AVL9: variants seen among roughly 807,000 people sequenced by gnomAD.
AVL9 encodes late secretory pathway protein AVL9 homolog.
A neutral mutation model predicts 79.2 loss-of-function variants in AVL9; 49 were observed. The observed-to-expected ratio is 0.62, with a 90% CI of 0.49 to 0.79. AVL9 has a LOEUF of 0.79. Ranked by LOEUF, AVL9 falls within the 30% of genes least tolerant of loss-of-function variation. AVL9 has a pLI of 0.00. For synonymous variants in AVL9, 299 were observed against 280.6 expected, an observed-to-expected ratio of 1.07 and a Z score of -0.65; for missense variants, 682 against 776.8, an observed-to-expected ratio of 0.88 and a Z score of 1.45.
At chr7:32,505,094 G>A (rs570717493) in intron 1 of AVL9, among the ~76,000 whole-genome samples, 4 of 148,610 alleles carry the variant, frequency 2.7e-5, no homozygotes, top group East Asian at 2.0e-4. Context: ...GGCTGGTCTC[G>A]AACTCCTGAC....
chr7:32,495,665 GCCCTT>G lies in AVL9; in HGVS notation c.-44_-40del. The G allele has an allele frequency of 8.2e-7, 1 of 1,222,290 alleles. No homozygotes were observed. The highest frequency in any genetic ancestry group is 1.0e-6 in the Non-Finnish European group (1 of 961,986). The allele number at this position is 1,222,290 out of a possible 1,614,324, so 75.7% of individuals were successfully genotyped here. On this transcript the variant is annotated 5_prime_UTR_variant, in exon 1 of 16. Coordinates refer to ENST00000318709, the MANE Select transcript of AVL9 (RefSeq NM_015060.3). ...ACACGGTGGGGTCGTCAGACCCGCT[GCCCTT>G]GGCGGTCGAAGTCGTCGTGCGGGCC...
rs1488508761 is a variant in AVL9 at position 32,579,392 on chromosome 7, TATGTTATATATTATATATA to T, written c.1689-824_1689-806del. ...ATAATATATGTTATATAACATATTA[TATGTTATATATTATATATA>T]ATATGTTATATATATAATATATATA... On this transcript the variant is annotated intron_variant, in intron 13 of 15. Transcript: ENST00000318709. Among the ~76,000 whole-genome samples the T allele has an allele frequency of 1.9e-4, 3 of 15,744 alleles. 1 individual carries two copies. The highest frequency in any genetic ancestry group is 3.3e-4 in the Non-Finnish European group (3 of 8,980). 10.3% of individuals were successfully genotyped at this position (15,744 alleles called of 152,430 possible). A position where few individuals can be genotyped will look rare whatever the true frequency, so the allele number is the denominator to read the frequency against.
intron 11 of AVL9, among the ~76,000 whole-genome samples, chr7:32,570,423 G>T (rs1790777732): frequency 2.0e-5 from 3 of 152,100 alleles, no homozygotes. Flanking sequence ...CAGTAAACAG[G>T]TAAACCAGGA....
At position 32,583,914 on chromosome 7, in the gene AVL9, C is replaced by T. The variant is rs760913165; in HGVS notation, c.*7C>T. ...ACCAGATGAGAAGCCTTGAGCAAGG[C>T]GTCAGAGGCTGCTATTGCTTTCTGA... On this transcript the variant is annotated 3_prime_UTR_variant, in exon 16 of 16. Transcript: ENST00000318709. The T allele has an allele frequency of 1.9e-6, 3 of 1,597,924 alleles. No homozygotes were observed. Among genetic ancestry groups the T allele is most frequent in the South Asian group, 1.1e-5 (1 of 90,624 alleles).
At position 32,559,067 on chromosome 7, in the gene AVL9, A is replaced by G. The variant is rs750180870; in HGVS notation, c.818A>G (p.Asn273Ser). 4 of 1,614,152 alleles carry G rather than the reference A, an allele frequency of 2.5e-6. No individual in the cohort carries two copies. Among genetic ancestry groups the G allele is most frequent in the Admixed American group, 1.7e-5 (1 of 60,022 alleles). Residue 273 changes from asparagine to serine, a missense_variant, in exon 10 of 16, where the codon AAC (asparagine) becomes AGC (serine). Transcript: ENST00000318709. ...SASTADVSHT[N>S]LGTIRKVMAG... ...TCCACTGCTGATGTTTCACATACCAACTTGGGAACTATCAGGAAAGTCATG... is the reference window on the plus strand; with the variant it reads ...TCCACTGCTGATGTTTCACATACCAGCTTGGGAACTATCAGGAAAGTCATG...
intron 1 of AVL9, among the ~76,000 whole-genome samples, chr7:32,500,769 C>T (rs1262503148): frequency 6.6e-6 from 1 of 152,036 alleles, no homozygotes; most frequent in Admixed American, 6.6e-5. Flanking sequence ...AATCCATCCT[C>T]TGTTAATTTT....
chr7:32,581,070 A>C, intron 15 of AVL9, 180 bp downstream of exon 15: 1 of 509,416 alleles, frequency 2.0e-6, no homozygotes, highest in Non-Finnish European at 3.2e-6. Flanking sequence ...CAAATGGTCA[A>C]ACTCCATTAT....
chr7:32,537,355 T>G (rs948143723), intron 1 of AVL9: 5 of 152,066 alleles, frequency 3.3e-5, no homozygotes, highest in African/African-American at 1.2e-4. Context: ...ATTTGAATAT[T>G]CTGAAAAGTT....
At chr7:32,527,082 G>A (rs535312870) in intron 1 of AVL9, among the ~76,000 whole-genome samples, 2 of 152,276 alleles carry the variant, frequency 1.3e-5, no homozygotes, top group East Asian at 1.9e-4. Flanking sequence ...TGTAAGGGCT[G>A]GTTTTGAGGG....
At chr7:32,582,309 C>T (rs981148968) in intron 15 of AVL9, among the ~76,000 whole-genome samples, 15 of 152,300 alleles carry the variant, frequency 9.8e-5, no homozygotes, top group African/African-American at 3.4e-4. Flanking sequence ...AATTCAAAAG[C>T]CCCAGAACTA....
chr7:32,558,534 T>C (rs200503817), intron 8 of AVL9, 25 bp from the exon 9 acceptor site: 4 of 1,563,964 alleles, frequency 2.6e-6, no homozygotes, highest in Non-Finnish European at 3.5e-6. Context: ...GTCTTCTAAT[T>C]TGATTTTGAT....
intron 13 of AVL9, 152 bp from the exon 14 acceptor site, chr7:32,580,067 C>T: frequency 3.2e-6 from 2 of 615,986 alleles, no homozygotes; most frequent in Non-Finnish European, 5.8e-6. Context: ...AAGTGGAGAG[C>T]TGTGACCAAA....
At chr7:32,511,928 A>G (rs1424979810) in intron 1 of AVL9, among the ~76,000 whole-genome samples, 1 of 152,194 alleles carries the variant, frequency 6.6e-6, no homozygotes, top group African/African-American at 2.4e-5. Flanking sequence ...ACGAGTCAGA[A>G]TGAATAACTG....
At chr7:32,572,472 T>C (rs1790898554) in intron 11 of AVL9, among the ~76,000 whole-genome samples, 1 of 150,780 alleles carries the variant, frequency 6.6e-6, no homozygotes, top group Non-Finnish European at 1.5e-5. Context: ...AAGTTACATG[T>C]ATTTTTTAGT....
chr7:32,577,163 T>C (rs2128152935), intron 13 of AVL9, among the ~76,000 whole-genome samples: 1 of 148,204 alleles, frequency 6.7e-6, no homozygotes, highest in South Asian at 2.1e-4. Context: ...GAAAACCCTG[T>C]ATCTACTAAA....
chr7:32,503,347 T>TATATATATATATATAG (rs1554332667), intron 1 of AVL9, among the ~76,000 whole-genome samples: 2 of 74,298 alleles, frequency 2.7e-5, no homozygotes, highest in African/African-American at 4.0e-5. Context: ...TATATATAGA[T>TATATATATATATATAG]ATAGATATAG....
chr7:32,511,785 G>A (rs1202732912), intron 1 of AVL9, among the ~76,000 whole-genome samples: 3 of 152,098 alleles, frequency 2.0e-5, no homozygotes, highest in Non-Finnish European at 2.9e-5. Context: ...GAGGAGTAAG[G>A]GGAGGAAGAA....
intron 13 of AVL9, 125 bp downstream of exon 13, chr7:32,576,197 A>G (rs1394248701): frequency 1.5e-6 from 1 of 647,258 alleles, no homozygotes; most frequent in Admixed American, 2.7e-5. Flanking sequence ...AGTAGGTCAT[A>G]AAAAGGCTCC....
At chr7:32,497,216 G>A (rs969728470) in intron 1 of AVL9, among the ~76,000 whole-genome samples, 12 of 152,230 alleles carry the variant, frequency 7.9e-5, no homozygotes, top group Non-Finnish European at 1.6e-4. Flanking sequence ...TTAGCTGCGC[G>A]TGGTGGCACA....
Sources: allele counts gnomAD v4.1 joint callset (sites outside exome capture counted in the v4.1 genomes callset), GRCh38; gene constraint gnomAD v4.1.1; transcripts MANE v1.5; gene names NCBI Gene and HGNC (gene_info 2026-07-23, HGNC 2026-07-21).